KCNAB1: variants seen among roughly 807,000 people sequenced by gnomAD.
The protein encoded by KCNAB1 is potassium voltage-gated channel subfamily A regulatory beta subunit 1.
Under a neutral mutation model 64.6 loss-of-function variants are expected in KCNAB1, and 35 were observed. That is an observed-to-expected ratio of 0.54 (90% CI 0.41 to 0.72). The LOEUF (loss-of-function observed/expected upper bound fraction) is 0.72. KCNAB1 is among the 30% of genes least tolerant of loss of function. The probability of loss-of-function intolerance (pLI) is 0.00; values close to 1 mark genes in which losing one functional copy is unlikely to be tolerated. For missense variants in KCNAB1, 401 were observed against 512.9 expected (o/e 0.78, Z 2.11); for synonymous variants, 177 against 183.8 (o/e 0.96, Z 0.30).
chr3:156,369,958 T>C (rs1000192343), intron 1 of KCNAB1, among the ~76,000 whole-genome samples: 2 of 152,222 alleles, frequency 1.3e-5, no homozygotes, highest in Admixed American at 1.3e-4. Flanking sequence ...ATACACTAAA[T>C]GTCATTAACG....
chr3:156,380,567 G>A (rs1286736948), intron 1 of KCNAB1, among the ~76,000 whole-genome samples: 1 of 152,196 alleles, frequency 6.6e-6, no homozygotes, highest in Admixed American at 6.5e-5. Flanking sequence ...TCCAGGTAGA[G>A]GGATCAGCCT....
Position 156,245,144 on chromosome 3 carries a change from A to G in KCNAB1, c.275+124258A>G, listed in dbSNP as rs577164256. Among the ~76,000 whole-genome samples the G allele has an allele frequency of 3.9e-5, 6 of 152,336 alleles. No individual in the cohort carries two copies. The East Asian group carries it at 1.2e-3, about 29-fold the overall frequency. ...GTTTCAGAGATTCTATGGTTAAATAAGGTTGCTTCTCAACTGTCCTTCCTG... is the reference window on the plus strand; with the variant it reads ...GTTTCAGAGATTCTATGGTTAAATAGGGTTGCTTCTCAACTGTCCTTCCTG... On this transcript the variant is annotated intron_variant, in intron 1 of 13. Coordinates refer to ENST00000490337, the MANE Select transcript of KCNAB1 (RefSeq NM_172160.3).
rs148427452 is a variant in KCNAB1, at chr3:156,351,058, C to T, written c.276-70558C>T. Among the ~76,000 whole-genome samples the T allele has an allele frequency of 6.9e-3, 1,045 of 152,328 alleles. 8 individuals carry two copies. The highest frequency in any genetic ancestry group is 9.9e-3 in the Non-Finnish European group (675 of 68,032). ...AAAGATAGTGCGGTGGGAGAACAAC[C>T]TAATTTGGGCATCATCCAGTATGGA... On this transcript the variant is annotated intron_variant, in intron 1 of 13. Coordinates refer to ENST00000490337, the MANE Select transcript of KCNAB1 (RefSeq NM_172160.3).
Position 156,479,758 on chromosome 3 carries a change from G to A in KCNAB1, c.658+4938G>A, listed in dbSNP as rs537611395. Among the ~76,000 whole-genome samples, 8 of 152,046 alleles carry A rather than the reference G, an allele frequency of 5.3e-5. No homozygotes were observed. The South Asian group carries it at 1.0e-3, about 20-fold the overall frequency. ...TAAATATTATTTCCATGCTGATAAC[G>A]GTTCCAGTTATTAATTTTTTCCTGC... On this transcript the variant is annotated intron_variant, in intron 8 of 13. Transcript: ENST00000490337.
chr3:156,444,500 C>G (rs1178758378), intron 2 of KCNAB1, among the ~76,000 whole-genome samples: 1 of 152,178 alleles, frequency 6.6e-6, no homozygotes, highest in Non-Finnish European at 1.5e-5. Flanking sequence ...TGATTATTAC[C>G]ATTACCATCC....
At chr3:156,358,332 T>C (rs1205399404) in intron 1 of KCNAB1, among the ~76,000 whole-genome samples, 2 of 152,182 alleles carry the variant, frequency 1.3e-5, no homozygotes, top group Non-Finnish European at 2.9e-5. Flanking sequence ...GGGGTGGTCA[T>C]TTCTGTCCTT....
rs761624330 is a variant in KCNAB1 at position 156,475,425 on chromosome 3, G to T, written c.658+605G>T. Among the ~76,000 whole-genome samples, 15 of 152,126 alleles carry T rather than the reference G, an allele frequency of 9.9e-5. 1 individual carries two copies. The highest frequency in any genetic ancestry group is 2.1e-4 in the Non-Finnish European group (14 of 68,014). On this transcript the variant is annotated intron_variant, in intron 8 of 13. Coordinates refer to ENST00000490337, the MANE Select transcript of KCNAB1 (RefSeq NM_172160.3). ...ATGTTTCTAAAACCAGATTTTCTTC[G>T]ATTTACATTTATTTACAGAACTTGC...
chr3:156,154,079 A>G, intron 1 of KCNAB1, among the ~76,000 whole-genome samples: 1 of 152,134 alleles, frequency 6.6e-6, no homozygotes. Context: ...GCCCAGGCCT[A>G]TTCATAGTGG....
At chr3:156,303,159 G>C (rs537593962) in intron 1 of KCNAB1, among the ~76,000 whole-genome samples, 68 of 152,298 alleles carry the variant, frequency 4.5e-4, no homozygotes, top group African/African-American at 1.6e-3. Flanking sequence ...CAATAGAAAA[G>C]CCTGGGTGTT....
rs59290275 is a variant in KCNAB1 at position 156,294,074 on chromosome 3, G to T, written c.276-127542G>T. ...AGTTTCATAGTTGCTTGATGATTGT[G>T]TTGGAAGAGTTTGCTCTTATGAAGG... is the stretch of plus-strand genomic sequence containing the variant. On this transcript the variant is annotated intron_variant, in intron 1 of 13. Transcript: ENST00000490337. Among the ~76,000 whole-genome samples the T allele has an allele frequency of 8.7e-3, 1,328 of 152,320 alleles. 22 individuals carry two copies. Among genetic ancestry groups the T allele is most frequent in the African/African-American group, 0.029 (1,221 of 41,570 alleles).
chr3:156,408,790 A>C (rs1187160623), intron 1 of KCNAB1, among the ~76,000 whole-genome samples: 1 of 152,148 alleles, frequency 6.6e-6, no homozygotes, highest in Admixed American at 6.5e-5. Flanking sequence ...CATAAAAAAA[A>C]AAATAAAATA....
intron 8 of KCNAB1, 47 bp downstream of exon 8, chr3:156,474,867 T>C: frequency 7.3e-7 from 1 of 1,364,998 alleles, no homozygotes; most frequent in Non-Finnish European, 1.0e-6. Context: ...TTGATTCAGT[T>C]TGAGGGCTTA....
At chr3:156,240,922 T>C (rs1241244232) in intron 1 of KCNAB1, among the ~76,000 whole-genome samples, 2 of 151,506 alleles carry the variant, frequency 1.3e-5, no homozygotes, top group Non-Finnish European at 1.5e-5. Flanking sequence ...CTATGGGTAA[T>C]TGGAGCTTAA....
intron 2 of KCNAB1, among the ~76,000 whole-genome samples, chr3:156,438,393 T>A (rs1716741489): frequency 6.6e-6 from 1 of 152,242 alleles, no homozygotes; most frequent in Non-Finnish European, 1.5e-5. Context: ...GAATTTTGAA[T>A]AATGTTTGAA....
At chr3:156,481,630 C>A (rs183346205) in intron 8 of KCNAB1, among the ~76,000 whole-genome samples, 1 of 152,096 alleles carries the variant, frequency 6.6e-6, no homozygotes, top group Non-Finnish European at 1.5e-5. Context: ...ACTTCAGGTT[C>A]TTTCCATCTC....
chr3:156,244,451 G>T (rs1717341360), intron 1 of KCNAB1, among the ~76,000 whole-genome samples: 1 of 151,940 alleles, frequency 6.6e-6, no homozygotes, highest in Admixed American at 6.5e-5. Flanking sequence ...GTCCCTTTTT[G>T]CCATGTAAAG....
chr3:156,457,184 C>A, intron 3 of KCNAB1: 1 of 1,236,770 alleles, frequency 8.1e-7, no homozygotes, highest in Non-Finnish European at 1.0e-6. Context: ...CTCTTCCCAG[C>A]CCAGTGAGAA....
intron 1 of KCNAB1, among the ~76,000 whole-genome samples, chr3:156,388,493 A>G (rs1003801462): frequency 6.6e-6 from 1 of 152,256 alleles, no homozygotes; most frequent in East Asian, 1.9e-4. Flanking sequence ...ACGTTTCCCA[A>G]CACTCTGTGA....
chr3:156,270,118 G>A (rs756986767), intron 1 of KCNAB1, among the ~76,000 whole-genome samples: 14 of 151,922 alleles, frequency 9.2e-5, no homozygotes, highest in East Asian at 1.9e-4. Flanking sequence ...AGGTTTCACC[G>A]TGTTAGCCAG....
Sources: gnomAD v4.1 joint callset for allele counts (sites outside exome capture counted in the v4.1 genomes callset) on GRCh38, gnomAD v4.1.1 for gene constraint, MANE v1.5 for transcripts, NCBI Gene and HGNC (gene_info 2026-07-23, HGNC 2026-07-21) for gene names.